The following DAZAP2 variants were observed in gnomAD, a reference collection of about 807,000 sequenced individuals.
DAZAP2 encodes the protein DAZ-associated protein 2.
Under a neutral mutation model 16.2 loss-of-function variants are expected in DAZAP2, and 3 were observed. The observed-to-expected ratio is 0.19, with a 90% CI of 0.08 to 0.48. DAZAP2 has a LOEUF of 0.48. Among genes scored for constraint, DAZAP2 ranks in the 20% least tolerant of loss-of-function variants. DAZAP2 has a pLI of 0.98. For missense variants in DAZAP2, 172 were observed against 215.9 expected, an observed-to-expected ratio of 0.80 and a Z score of 1.27; for synonymous variants, 69 against 77.6, an observed-to-expected ratio of 0.89 and a Z score of 0.58.
chr12:51,238,854 G>A lies in DAZAP2; in HGVS notation c.-54G>A, dbSNP rs1170275513. 33 of 1,612,222 alleles carry A rather than the reference G, an allele frequency of 2.0e-5. No homozygotes were observed. Among genetic ancestry groups the A allele is most frequent in the Non-Finnish European group, 2.5e-5 (30 of 1,179,730 alleles). ...ACGGAAGTAGCTCCGAACAGGAAGA[G>A]GACGAAAAAAATAACCGTCCGCGAC... On this transcript the variant is annotated 5_prime_UTR_variant, in exon 1 of 4. Coordinates refer to ENST00000412716, the MANE Select transcript of DAZAP2 (RefSeq NM_014764.4).
Position 51,243,486 on chromosome 12 carries a change from C to T in DAZAP2, c.*1028C>T, listed in dbSNP as rs1401214806. ...GGGTCATATTGTGAATGTCTCACTA[C>T]AAAATGACTTGAGTCCAGTGAAATC... On this transcript the variant is annotated 3_prime_UTR_variant, in exon 4 of 4. Coordinates refer to ENST00000412716, the MANE Select transcript of DAZAP2 (RefSeq NM_014764.4). The T allele has an allele frequency of 8.1e-6, 8 of 985,750 alleles. No individual in the cohort carries two copies. Among genetic ancestry groups the T allele is most frequent in the Middle Eastern group, 5.2e-4 (1 of 1,936 alleles). The allele number at this position is 985,750 out of a possible 1,614,324, so 61.1% of individuals were successfully genotyped here.
chr12:51,242,311 T>C lies in DAZAP2; in HGVS notation c.379-19T>C. The C allele has an allele frequency of 6.4e-7, 1 of 1,567,656 alleles. No homozygotes were observed. Among genetic ancestry groups the C allele is most frequent in the Admixed American group, 1.9e-5 (1 of 53,342 alleles). ...TATTAGCTGCCCTGTGCCCATTCTA[T>C]CATGTCATTTCCTTTCAGCCTCCAC... On this transcript the variant is annotated intron_variant, in intron 3 of 3. Coordinates refer to ENST00000412716, the MANE Select transcript of DAZAP2 (RefSeq NM_014764.4).
chr12:51,239,928 G>C (rs77185677), intron 1 of DAZAP2: 4,226 of 185,562 alleles, frequency 0.023, 191 homozygotes, highest in African/African-American at 0.094. Context: ...ATAGTAATCT[G>C]TAAGGAAAAT....
chr12:51,243,895 T>C lies in DAZAP2; in HGVS notation c.*1437T>C, dbSNP rs1944728151. 7 of 985,428 alleles carry C rather than the reference T, an allele frequency of 7.1e-6. No individual in the cohort carries two copies. The highest frequency in any genetic ancestry group is 8.4e-6 in the Non-Finnish European group (7 of 829,914). The allele number at this position is 985,428 out of a possible 1,614,324, so 61.0% of individuals were successfully genotyped here. On this transcript the variant is annotated 3_prime_UTR_variant, in exon 4 of 4. Coordinates refer to ENST00000412716, the MANE Select transcript of DAZAP2 (RefSeq NM_014764.4). ...GGTGCTGCTGCTGCTCTGTTTCCTTTGATGACGCTTTGAAATAAAGGCAGG... is the reference window on the plus strand; with the variant it reads ...GGTGCTGCTGCTGCTCTGTTTCCTTCGATGACGCTTTGAAATAAAGGCAGG...
In DAZAP2 at chr12:51,238,915, G is replaced by A; in HGVS notation, c.8G>A (p.Ser3Asn). ...ACCGGACCCGCAACCACCATGAACA[G>A]CAAAGGCAAGGACCGAGGGTGGCAG... MN[S>N]KGQYPTQPTY... Residue 3 changes from serine to asparagine, a missense_variant, in exon 1 of 4, where the codon AGC becomes AAC. Physicochemically the swap from Ser to Asn is conservative, Grantham distance 46. Coordinates refer to ENST00000412716, the MANE Select transcript of DAZAP2 (RefSeq NM_014764.4). 2.5e-6 allele frequency: 4 copies of A among 1,613,504 alleles called. No individual in the cohort carries two copies. Among genetic ancestry groups the A allele is most frequent in the East Asian group, 2.2e-5 (1 of 44,862 alleles).
chr12:51,240,658 A>G (rs2137282722), intron 2 of DAZAP2, 197 bp downstream of exon 2: 1 of 845,056 alleles, frequency 1.2e-6, no homozygotes, highest in Non-Finnish European at 1.8e-6. Context: ...GGCACAGGCT[A>G]AGGTGCAGAA....
intron 3 of DAZAP2, 24 bp downstream of exon 3, chr12:51,241,140 A>C: frequency 6.2e-7 from 1 of 1,609,162 alleles, no homozygotes; most frequent in Non-Finnish European, 8.5e-7. Context: ...CATCAGAAGA[A>C]ACTCAGCCCT....
At chr12:51,246,353 C>T, downstream of DAZAP2, 3 of 547,812 alleles carry the variant, frequency 5.5e-6, no homozygotes, top group South Asian at 9.8e-5. Context: ...TCTGACAAAA[C>T]TGAACTGCCT....
downstream of DAZAP2, chr12:51,245,812 C>G: frequency 9.2e-7 from 1 of 1,083,800 alleles, no homozygotes. Context: ...GGACTGCGAC[C>G]TGGCTGGAGC....
In DAZAP2 at chr12:51,243,446, T is replaced by C; in HGVS notation, c.*988T>C. ...CACTCATTCGGCTCCCCAGAATTCC[T>C]AGACTGGGTTAATAGGGTCATATTG... On this transcript the variant is annotated 3_prime_UTR_variant, in exon 4 of 4. Coordinates refer to ENST00000412716, the MANE Select transcript of DAZAP2 (RefSeq NM_014764.4). 1 of 985,864 alleles carries C rather than the reference T, an allele frequency of 1.0e-6. No homozygotes were observed. Among genetic ancestry groups the C allele is most frequent in the Non-Finnish European group, 1.2e-6 (1 of 829,942 alleles). The allele number at this position is 985,864 out of a possible 1,614,324, so 61.1% of individuals were successfully genotyped here. A position where few individuals can be genotyped will look rare whatever the true frequency, so the allele number is the denominator to read the frequency against.
downstream of DAZAP2, chr12:51,244,598 A>G (rs1403383789): frequency 2.0e-5 from 3 of 152,196 alleles, no homozygotes; most frequent in Non-Finnish European, 4.4e-5. Context: ...TCCAAAGTGA[A>G]CAATATCTGA....
chr12:51,239,297 T>A (rs1944618141), intron 1 of DAZAP2: 1 of 244,338 alleles, frequency 4.1e-6, no homozygotes, highest in Non-Finnish European at 8.1e-6. Context: ...ACTTAACTAC[T>A]GAATTGCTGG....
Position 51,239,190 on chromosome 12 carries a change from G to T in DAZAP2, c.13+270G>T, listed in dbSNP as rs1944615064. The stretch of plus-strand genomic sequence containing the variant: ...GGGGGGCTTGACATGATGGGCATCC[G>T]CAGGAGCAAATAGAGCGCTAGCGCA... On this transcript the variant is annotated intron_variant, in intron 1 of 3. Coordinates refer to ENST00000412716, the MANE Select transcript of DAZAP2 (RefSeq NM_014764.4). 11 of 491,224 alleles carry T rather than the reference G, an allele frequency of 2.2e-5. 1 individual carries two copies. The South Asian group carries it at 2.8e-4, about 12-fold the overall frequency. 30.4% of individuals were successfully genotyped at this position (491,224 alleles called of 1,614,324 possible).
chr12:51,240,019 A>AGCCAGAACAGCAGCAG, intron 1 of DAZAP2: 1 of 322,002 alleles, frequency 3.1e-6, no homozygotes, highest in Non-Finnish European at 5.9e-6. Context: ...ACCCTTGATA[A>AGCCAGAACAGCAGCAG]GCCAGAACAG....
At position 51,240,470 on chromosome 12, in the gene DAZAP2, A is replaced by G. The variant is rs372460258; in HGVS notation, c.132+9A>G. On this transcript the variant is annotated intron_variant, in intron 2 of 3. Transcript: ENST00000412716. ...CACCTGCCTACTCAGAGGTGCTTCC[A>G]GTTTGCCAGATTTGAACTAGCTGGG... 119 of 1,607,776 alleles carry G rather than the reference A, an allele frequency of 7.4e-5. No individual in the cohort carries two copies. Among genetic ancestry groups the G allele is most frequent in the Non-Finnish European group, 9.5e-5 (112 of 1,174,412 alleles).
intron 2 of DAZAP2, 108 bp downstream of exon 2, chr12:51,240,569 T>C: frequency 9.2e-7 from 1 of 1,092,012 alleles, no homozygotes; most frequent in Non-Finnish European, 1.4e-6. Context: ...AATGCTAACA[T>C]GAATAATCTA....
At chr12:51,246,483 A>G (rs1944770989), downstream of DAZAP2, 2 of 439,378 alleles carry the variant, frequency 4.6e-6, no homozygotes, top group Non-Finnish European at 8.1e-6. Context: ...CCAACCACAT[A>G]TATCCTCGTC....
In DAZAP2 at chr12:51,243,875, T is replaced by C. The variant is rs2137289358; in HGVS notation, c.*1417T>C. 1 of 985,464 alleles carries C rather than the reference T, an allele frequency of 1.0e-6. No individual in the cohort carries two copies. The highest frequency in any genetic ancestry group is 1.2e-6 in the Non-Finnish European group (1 of 829,936). 61.0% of individuals were successfully genotyped at this position (985,464 alleles called of 1,614,324 possible). ...TCCCATCTAGAATTCAGCTAGGTGC[T>C]GCTGCTGCTCTGTTTCCTTTGATGA... On this transcript the variant is annotated 3_prime_UTR_variant, in exon 4 of 4. Coordinates refer to ENST00000412716, the MANE Select transcript of DAZAP2 (RefSeq NM_014764.4).
At chr12:51,240,701 C>T (rs1414167588) in intron 2 of DAZAP2, 170 bp from the exon 3 acceptor site, 1 of 966,754 alleles carries the variant, frequency 1.0e-6, no homozygotes, top group African/African-American at 1.6e-5. Flanking sequence ...CCAACATTAG[C>T]TATAGCAGAA....
Sources: gnomAD v4.1 joint callset for allele counts on GRCh38, gnomAD v4.1.1 for gene constraint, MANE v1.5 for transcripts, NCBI Gene and HGNC (gene_info 2026-07-23, HGNC 2026-07-21) for gene names.